Variants in HDLBP observed in about 807,000 individuals in gnomAD.
HDLBP encodes high density lipoprotein binding protein, also known as vigilin.
HDLBP carries 30 observed loss-of-function variants against 137.3 expected under a neutral mutation model. The observed-to-expected ratio is 0.22, with a 90% confidence interval of 0.16 to 0.30. The LOEUF (loss-of-function observed/expected upper bound fraction) is 0.30, where lower values mean the gene tolerates loss of function less well. Among genes scored for constraint, HDLBP ranks in the 10% least tolerant of loss-of-function variants. The pLI, the probability that HDLBP is intolerant of heterozygous loss-of-function variation, is 1.00. For synonymous variants in HDLBP, 606 were observed against 596.0 expected (o/e 1.02, Z -0.24); for missense variants, 1,119 against 1,667.3 (o/e 0.67, Z 5.73).
chr2:241,299,284 G>A (rs2075302434), intron 1 of HDLBP, among the ~76,000 whole-genome samples: 1 of 151,932 alleles, frequency 6.6e-6, no homozygotes, highest in South Asian at 2.1e-4. Flanking sequence ...ACTTTGGGAG[G>A]CCGAGGCAGG....
intron 1 of HDLBP, among the ~76,000 whole-genome samples, chr2:241,278,214 A>G (rs1318056310): frequency 2.0e-5 from 3 of 152,226 alleles, no homozygotes; most frequent in African/African-American, 7.2e-5. Context: ...GTGGGGGGGT[A>G]CAATATTAGA....
intron 1 of HDLBP, among the ~76,000 whole-genome samples, chr2:241,286,745 T>C (rs2074826715): frequency 6.6e-6 from 1 of 152,082 alleles, no homozygotes; most frequent in Non-Finnish European, 1.5e-5. Context: ...GGGTTTACAA[T>C]GGTGAAACCC....
At chr2:241,234,725 AG>A (rs752492508) in intron 23 of HDLBP, among the ~76,000 whole-genome samples, 12 of 152,168 alleles carry the variant, frequency 7.9e-5, no homozygotes, top group Non-Finnish European at 1.3e-4. Flanking sequence ...CCTGCTTACC[AG>A]GAAGTCATTC....
intron 9 of HDLBP, among the ~76,000 whole-genome samples, chr2:241,254,709 C>A (rs922638359): frequency 2.6e-5 from 4 of 152,052 alleles, no homozygotes; most frequent in Non-Finnish European, 5.9e-5. Context: ...TGGTCTCGAT[C>A]TCCTGACCTC....
intron 1 of HDLBP, among the ~76,000 whole-genome samples, chr2:241,287,292 G>A (rs1049739224): frequency 6.6e-6 from 1 of 150,866 alleles, no homozygotes. Context: ...TGTATTCTTA[G>A]TAGACACAGG....
chr2:241,235,745 C>A, intron 21 of HDLBP, 151 bp from the exon 22 acceptor site: 1 of 592,504 alleles, frequency 1.7e-6, no homozygotes, highest in Non-Finnish European at 3.0e-6. Context: ...ACCTTTAACT[C>A]AATAGAAAAG....
chr2:241,292,504 C>G (rs2075042441), intron 1 of HDLBP, among the ~76,000 whole-genome samples: 1 of 152,150 alleles, frequency 6.6e-6, no homozygotes, highest in South Asian at 2.1e-4. Context: ...TTTATGACAT[C>G]TGGAGAAAAC....
chr2:241,273,361 A>T (rs1227573590), intron 1 of HDLBP: 1 of 570,014 alleles, frequency 1.8e-6, no homozygotes, highest in African/African-American at 2.0e-5. Flanking sequence ...TCCCCCCCAA[A>T]ATGTAAAATC....
At chr2:241,300,269 C>A (rs1447868270) in intron 1 of HDLBP, among the ~76,000 whole-genome samples, 1 of 152,162 alleles carries the variant, frequency 6.6e-6, no homozygotes, top group Non-Finnish European at 1.5e-5. Flanking sequence ...CTGGGCCAGC[C>A]ACTAGCACTG....
At position 241,272,647 on chromosome 2, in the gene HDLBP, C is replaced by T; in HGVS notation, c.-102-4106G>A. 1.0e-6 allele frequency: 1 copy of T among 955,062 alleles called. No individual in the cohort carries two copies. Among genetic ancestry groups the T allele is most frequent in the African/African-American group, 1.8e-5 (1 of 55,972 alleles). 59.2% of individuals were successfully genotyped at this position (955,062 alleles called of 1,614,324 possible). A position where few individuals can be genotyped will look rare whatever the true frequency, so the allele number is the denominator to read the frequency against. On this transcript the variant is annotated intron_variant, in intron 1 of 27. Coordinates refer to ENST00000310931, the MANE Select transcript of HDLBP (RefSeq NM_005336.6). The surrounding 1 kb of genome is among the most constrained non-coding windows in gnomAD (Gnocchi z 5.6). ...GGGTGGGGGCCGCGGCACCCGGGCC[C>T]CTCCCCCTCCGCGGCCTCCACGTCA... is the stretch of plus-strand genomic sequence containing the variant.
In HDLBP at chr2:241,272,917, T is replaced by TGGGGTCCCCGCCGCC; in HGVS notation, c.-102-4391_-102-4377dup. On this transcript the variant is annotated intron_variant, in intron 1 of 27. Coordinates refer to ENST00000310931, the MANE Select transcript of HDLBP (RefSeq NM_005336.6). The surrounding 1 kb of genome is among the most constrained non-coding windows in gnomAD (Gnocchi z 5.6). ...CGTCAGCGCCCGCCCGCCCCGCCGC[T>TGGGGTCCCCGCCGCC]GGGGTCCCCGCCGCCCCGGGCCGCC... 1 of 686,254 alleles carries TGGGGTCCCCGCCGCC rather than the reference T, an allele frequency of 1.5e-6. No homozygotes were observed. Among genetic ancestry groups the TGGGGTCCCCGCCGCC allele is most frequent in the Non-Finnish European group, 1.8e-6 (1 of 557,034 alleles). 42.5% of individuals were successfully genotyped at this position (686,254 alleles called of 1,614,324 possible).
chr2:241,272,176 C>G lies in HDLBP; in HGVS notation c.-102-3635G>C. The G allele has an allele frequency of 3.0e-6, 3 of 985,190 alleles. No homozygotes were observed. Among genetic ancestry groups the G allele is most frequent in the Non-Finnish European group, 3.6e-6 (3 of 829,710 alleles). 61.0% of individuals were successfully genotyped at this position (985,190 alleles called of 1,614,324 possible). A position where few individuals can be genotyped will look rare whatever the true frequency, so the allele number is the denominator to read the frequency against. On this transcript the variant is annotated intron_variant, in intron 1 of 27. Transcript: ENST00000310931. The surrounding 1 kb of genome is among the most constrained non-coding windows in gnomAD (Gnocchi z 5.6). ...CCACCCCCGAACACGTAGACTGACG[C>G]GGGCCCCGCGCGGCAGGTGGAGGTG...
chr2:241,311,458 C>T (rs2149726767), intron 1 of HDLBP, among the ~76,000 whole-genome samples: 1 of 152,270 alleles, frequency 6.6e-6, no homozygotes, highest in South Asian at 2.1e-4. Context: ...AAGTGAGGCT[C>T]CAACACAAGA....
intron 3 of HDLBP, among the ~76,000 whole-genome samples, chr2:241,265,775 G>A (rs931297440): frequency 3.3e-5 from 5 of 152,134 alleles, no homozygotes; most frequent in African/African-American, 7.2e-5. Flanking sequence ...CCATCTACCC[G>A]ACAGCGCTGA....
At chr2:241,286,919 C>G (rs978655142) in intron 1 of HDLBP, among the ~76,000 whole-genome samples, 4 of 148,576 alleles carry the variant, frequency 2.7e-5, no homozygotes, top group African/African-American at 9.9e-5. Flanking sequence ...GCACTCCAGC[C>G]TGGACAACAC....
At position 241,272,373 on chromosome 2, in the gene HDLBP, C is replaced by T. The variant is rs2074143967; in HGVS notation, c.-102-3832G>A. ...CAACGTCAGCGACCTGGGCTCAGGT[C>T]GGCCGCCCCTCCGCGCCGTGCGGCC... On this transcript the variant is annotated intron_variant, in intron 1 of 27. Coordinates refer to ENST00000310931, the MANE Select transcript of HDLBP (RefSeq NM_005336.6). The surrounding 1 kb of genome is among the most constrained non-coding windows in gnomAD (Gnocchi z 5.6). 2.0e-6 allele frequency: 2 copies of T among 984,160 alleles called. No homozygotes were observed. Among genetic ancestry groups the T allele is most frequent in the Non-Finnish European group, 2.4e-6 (2 of 829,504 alleles). The allele number at this position is 984,160 out of a possible 1,614,324, so 61.0% of individuals were successfully genotyped here.
At position 241,240,673 on chromosome 2, in the gene HDLBP, G is replaced by C. The variant is rs2071116615; in HGVS notation, c.2170-551C>G. ...CTCCCCAGGCTCAAGCTCAAGCTCA[G>C]AGGGACACAAGCCAACCAAGGCTAC... On this transcript the variant is annotated intron_variant, in intron 17 of 27. Coordinates refer to ENST00000310931, the MANE Select transcript of HDLBP (RefSeq NM_005336.6). The surrounding 1 kb of genome is among the most constrained non-coding windows in gnomAD (Gnocchi z 5.5). Among the ~76,000 whole-genome samples the C allele has an allele frequency of 6.6e-6, 1 of 152,172 alleles. No homozygotes were observed. The highest frequency in any genetic ancestry group is 3.2e-3 in the Middle Eastern group (1 of 316).
chr2:241,233,772 G>A lies in HDLBP; in HGVS notation c.3288+48C>T, dbSNP rs1231878387. On this transcript the variant is annotated intron_variant, in intron 24 of 27. Transcript: ENST00000310931. This position sits in a 1 kb window ranked among gnomAD's most constrained non-coding sequence, Gnocchi z 4.3. ...GTTACTGCTCCCAAGTCACAGGAAA[G>A]GTCAACAAGCACCTCTGCCCCCGAC... 2.9e-5 allele frequency: 46 copies of A among 1,610,214 alleles called. No homozygotes were observed. Among genetic ancestry groups the A allele is most frequent in the Non-Finnish European group, 3.8e-5 (45 of 1,177,882 alleles).
chr2:241,229,777 C>A (rs2069492439), intron 27 of HDLBP, 56 bp downstream of exon 27: 10 of 1,564,426 alleles, frequency 6.4e-6, no homozygotes, highest in Non-Finnish European at 8.7e-6. Context: ...GGACACCAAG[C>A]CCGCCTGCCC....
Sources: gnomAD v4.1 joint callset for allele counts (sites outside exome capture counted in the v4.1 genomes callset) on GRCh38, gnomAD v4.1.1 for gene constraint, Gnocchi (gnomAD v3.1) non-coding constraint, MANE v1.5 for transcripts, NCBI Gene and HGNC (gene_info 2026-07-23, HGNC 2026-07-21) for gene names.